Variants in DLG2 observed in about 807,000 individuals in gnomAD.
DLG2 encodes the protein disks large homolog 2.
Under a neutral mutation model 132.5 loss-of-function variants are expected in DLG2, and 45 were observed. The ratio of observed to expected loss-of-function variants is 0.34; its 90% confidence interval spans 0.27 to 0.44. DLG2 has a LOEUF of 0.44. DLG2 is among the 20% of genes least tolerant of loss of function. The probability of loss-of-function intolerance (pLI) is 1.00; values close to 1 mark genes in which losing one functional copy is unlikely to be tolerated. For synonymous variants in DLG2, 424 were observed against 419.6 expected (o/e 1.01, Z -0.13); for missense variants, 1,045 against 1,196.9 (o/e 0.87, Z 1.87).
intron 18 of DLG2, among the ~76,000 whole-genome samples, chr11:83,671,679 A>G (rs1330288247): frequency 6.6e-6 from 1 of 152,194 alleles, no homozygotes; most frequent in Non-Finnish European, 1.5e-5. Context: ...TGTTTCATCA[A>G]TATCCCTACT....
At chr11:84,013,597 G>T (rs1187242341) in intron 11 of DLG2, among the ~76,000 whole-genome samples, 5 of 151,956 alleles carry the variant, frequency 3.3e-5, no homozygotes, top group Non-Finnish European at 7.4e-5. Flanking sequence ...AGCTGGGCGT[G>T]GTGGCTCACA....
At chr11:83,987,450 T>A (rs1272286383) in intron 11 of DLG2, among the ~76,000 whole-genome samples, 1 of 152,162 alleles carries the variant, frequency 6.6e-6, no homozygotes, top group African/African-American at 2.4e-5. Flanking sequence ...CAAGCTATAC[T>A]ACAAGGCTAC....
At chr11:84,346,601 T>C (rs2098540220) in intron 7 of DLG2, among the ~76,000 whole-genome samples, 1 of 152,198 alleles carries the variant, frequency 6.6e-6, no homozygotes, top group African/African-American at 2.4e-5. Context: ...TGTTTTGAAA[T>C]GGAGTCTTGC....
At chr11:85,121,809 CTATT>C (rs1299273101) in intron 5 of DLG2, among the ~76,000 whole-genome samples, 2 of 152,128 alleles carry the variant, frequency 1.3e-5, no homozygotes, top group African/African-American at 4.8e-5. Flanking sequence ...TCTTTCACAA[CTATT>C]TATTGTGAAA....
At chr11:84,451,022 T>G (rs902347611) in intron 7 of DLG2, among the ~76,000 whole-genome samples, 4 of 151,866 alleles carry the variant, frequency 2.6e-5, no homozygotes, top group African/African-American at 9.7e-5. Flanking sequence ...CCCTTTAATC[T>G]AAATAAAATT....
intron 6 of DLG2, among the ~76,000 whole-genome samples, chr11:84,714,067 A>T (rs2060737449): frequency 6.6e-6 from 1 of 152,144 alleles, no homozygotes; most frequent in Admixed American, 6.6e-5. Context: ...ACACACTAAA[A>T]TATTAAGTTT....
At chr11:85,309,764 T>C (rs2080196097) in intron 3 of DLG2, among the ~76,000 whole-genome samples, 1 of 152,180 alleles carries the variant, frequency 6.6e-6, no homozygotes, top group South Asian at 2.1e-4. Flanking sequence ...AAATTTCTTC[T>C]ACTTTTTATC....
At chr11:85,243,373 C>T (rs1164560873) in intron 4 of DLG2, among the ~76,000 whole-genome samples, 1 of 151,946 alleles carries the variant, frequency 6.6e-6, no homozygotes, top group Non-Finnish European at 1.5e-5. Flanking sequence ...TTTTACATCC[C>T]AGACCCATAT....
chr11:83,776,127 A>G (rs1342553967), intron 18 of DLG2, among the ~76,000 whole-genome samples: 8 of 152,058 alleles, frequency 5.3e-5, no homozygotes, highest in Admixed American at 2.0e-4. Context: ...ATAAATAAAT[A>G]AAGATGAATA....
At chr11:83,609,738 C>T (rs995557434) in intron 19 of DLG2, among the ~76,000 whole-genome samples, 1 of 152,040 alleles carries the variant, frequency 6.6e-6, no homozygotes, top group Non-Finnish European at 1.5e-5. Context: ...CTTTCTATTT[C>T]CAAGCAAAAA....
intron 14 of DLG2, among the ~76,000 whole-genome samples, chr11:83,940,352 T>G (rs185100783): frequency 6.6e-6 from 1 of 152,360 alleles, no homozygotes; most frequent in East Asian, 1.9e-4. Flanking sequence ...TGTACTTTGA[T>G]GTATTTTAAA....
At chr11:85,470,797 A>G (rs183805669) in intron 3 of DLG2, among the ~76,000 whole-genome samples, 2 of 152,346 alleles carry the variant, frequency 1.3e-5, no homozygotes, top group East Asian at 1.9e-4. Flanking sequence ...TTTTACCAGA[A>G]GCTAAATTAG....
chr11:83,732,554 G>A (rs1429372874), intron 18 of DLG2, among the ~76,000 whole-genome samples: 2 of 152,120 alleles, frequency 1.3e-5, no homozygotes, highest in Admixed American at 6.5e-5. Context: ...AACTTCTAAT[G>A]GATTTATTTT....
At chr11:84,183,058 A>G (rs577390411) in intron 8 of DLG2, among the ~76,000 whole-genome samples, 16 of 152,300 alleles carry the variant, frequency 1.1e-4, no homozygotes, top group African/African-American at 3.8e-4. Context: ...AGACCATGTG[A>G]ATAGGCTTAT....
intron 19 of DLG2, among the ~76,000 whole-genome samples, chr11:83,564,078 T>C (rs2096660314): frequency 6.6e-6 from 1 of 150,746 alleles, no homozygotes; most frequent in Non-Finnish European, 1.5e-5. Flanking sequence ...TGGAAATCAG[T>C]AATATAAACC....
chr11:85,059,655 T>A (rs559528255), intron 6 of DLG2, among the ~76,000 whole-genome samples: 6 of 151,558 alleles, frequency 4.0e-5, no homozygotes, highest in Admixed American at 3.9e-4. Flanking sequence ...TTGAGTGAAA[T>A]AAGCAAGGGG....
intron 18 of DLG2, among the ~76,000 whole-genome samples, chr11:83,639,673 G>C (rs2065894179): frequency 1.3e-5 from 2 of 151,582 alleles, no homozygotes; most frequent in Non-Finnish European, 2.9e-5. Flanking sequence ...CGAGTTAATG[G>C]GTGCAGCACA....
At position 84,276,049 on chromosome 11, in the gene DLG2, C is replaced by T. The variant is rs76489525; in HGVS notation, c.520-24758G>A. ...AAATTGTAAATCAATGATTACCCAG[C>T]TTAAAATTAAGATTTAGACCAAATT... On this transcript the variant is annotated intron_variant, in intron 7 of 27. Transcript: ENST00000376104. Among the ~76,000 whole-genome samples, 1,318 of 152,186 alleles carry T rather than the reference C, an allele frequency of 8.7e-3. 16 individuals carry two copies. The highest frequency in any genetic ancestry group is 0.028 in the African/African-American group (1,183 of 41,530).
At chr11:84,441,053 G>A (rs1196311405) in intron 7 of DLG2, among the ~76,000 whole-genome samples, 1 of 151,916 alleles carries the variant, frequency 6.6e-6, no homozygotes, top group East Asian at 1.9e-4. Flanking sequence ...AAAATTAATT[G>A]TACAAAGATT....
Sources: gnomAD v4.1 joint callset for allele counts (sites outside exome capture counted in the v4.1 genomes callset) on GRCh38, gnomAD v4.1.1 for gene constraint, MANE v1.5 for transcripts, NCBI Gene and HGNC (gene_info 2026-07-23, HGNC 2026-07-21) for gene names.